The following SLC5A7 variants were observed in gnomAD, a reference collection of about 807,000 sequenced individuals.
The protein encoded by SLC5A7 is solute carrier family 5 member 7.
Under a neutral mutation model 55.4 loss-of-function variants are expected in SLC5A7, and 19 were observed. The observed-to-expected ratio is 0.34, with a 90% CI of 0.24 to 0.50. The LOEUF is 0.50. Among genes scored for constraint, SLC5A7 ranks in the 20% least tolerant of loss-of-function variants. SLC5A7 has a pLI of 0.98. For synonymous variants in SLC5A7, 265 were observed against 263.7 expected (o/e 1.00, Z -0.05); for missense variants, 506 against 705.3 (o/e 0.72, Z 3.20).
At chr2:108,000,778 A>G (rs1677857675) in intron 5 of SLC5A7, among the ~76,000 whole-genome samples, 1 of 152,084 alleles carries the variant, frequency 6.6e-6, no homozygotes, top group Non-Finnish European at 1.5e-5. Context: ...TATTTTTGGT[A>G]GAGATGGGGT....
chr2:107,987,943 A>G (rs527590962), intron 1 of SLC5A7, among the ~76,000 whole-genome samples, 162 bp from the exon 2 acceptor site: 3 of 152,292 alleles, frequency 2.0e-5, no homozygotes, highest in South Asian at 4.1e-4. Context: ...AGGATAATGT[A>G]GTGGACACTT....
chr2:107,988,384 G>A lies in SLC5A7; in HGVS notation c.178+51G>A, dbSNP rs72933292. 2,713 of 1,555,528 alleles carry A rather than the reference G, an allele frequency of 1.7e-3. 29 individuals carry two copies. In the African/African-American group the frequency reaches 0.029, roughly 17 times the overall value. On this transcript the variant is annotated intron_variant, in intron 2 of 8. Transcript: ENST00000264047. ...TGCAGTCCTCCCTTCCTTGGCATCT[G>A]TGAGTGTGCAGCGTGTGGCTTCAGA...
intron 5 of SLC5A7, among the ~76,000 whole-genome samples, chr2:107,999,624 C>T (rs1488684599): frequency 6.6e-6 from 1 of 152,182 alleles, no homozygotes; most frequent in Non-Finnish European, 1.5e-5. Flanking sequence ...GTTTTCCAAA[C>T]TTTAATTGCT....
chr2:107,992,591 T>C (rs1677489661), intron 3 of SLC5A7, among the ~76,000 whole-genome samples: 1 of 152,212 alleles, frequency 6.6e-6, no homozygotes, highest in South Asian at 2.1e-4. Context: ...AAGTATTATA[T>C]AACAGAAGGT....
chr2:107,997,800 TG>T, intron 4 of SLC5A7, 37 bp from the exon 5 acceptor site: 1 of 1,566,258 alleles, frequency 6.4e-7, no homozygotes, highest in Non-Finnish European at 8.7e-7. Context: ...AGAATCTGTC[TG>T]GGCACCTTGA....
intron 3 of SLC5A7, 100 bp from the exon 4 acceptor site, chr2:107,992,872 T>C (rs182510033): frequency 7.9e-7 from 1 of 1,268,098 alleles, no homozygotes; most frequent in East Asian, 2.3e-5. Flanking sequence ...TCCATACAGG[T>C]GTTCTGGAAA....
intron 6 of SLC5A7, among the ~76,000 whole-genome samples, chr2:108,004,801 A>G (rs1462831613): frequency 2.0e-5 from 3 of 152,116 alleles, no homozygotes; most frequent in African/African-American, 7.2e-5. Flanking sequence ...CACCTGTGGA[A>G]ATGCTCTCAA....
intron 2 of SLC5A7, among the ~76,000 whole-genome samples, chr2:107,988,648 T>A (rs938875442): frequency 2.0e-5 from 3 of 152,160 alleles, no homozygotes; most frequent in Non-Finnish European, 2.9e-5. Flanking sequence ...GGTGGGGGAA[T>A]GGGAAGCTGT....
intron 7 of SLC5A7, among the ~76,000 whole-genome samples, chr2:108,007,394 G>A (rs765349259): frequency 4.1e-5 from 6 of 147,304 alleles, no homozygotes; most frequent in South Asian, 4.5e-4. Context: ...GATGACTGAC[G>A]AAGGTGGTAT....
intron 5 of SLC5A7, among the ~76,000 whole-genome samples, chr2:107,998,545 A>G (rs1381408567): frequency 6.6e-6 from 1 of 152,224 alleles, no homozygotes; most frequent in African/African-American, 2.4e-5. Context: ...TATTAGTATT[A>G]TTAGCACTAT....
chr2:108,007,749 G>A (rs935444223), intron 7 of SLC5A7, among the ~76,000 whole-genome samples: 6 of 152,242 alleles, frequency 3.9e-5, no homozygotes, highest in Admixed American at 2.6e-4. Context: ...TATTAAAAAA[G>A]TTCAGCAAAT....
chr2:107,992,956 G>A lies in SLC5A7; in HGVS notation c.293-16G>A, dbSNP rs1378257613. On this transcript the variant is annotated splice_polypyrimidine_tract_variant and intron_variant, in intron 3 of 8. Coordinates refer to ENST00000264047, the MANE Select transcript of SLC5A7 (RefSeq NM_021815.5). ...CATTCTTTTTATTTTCTCCTAAACA[G>A]TTGCTTAATTTTTAGGTGGCCTGTT... The A allele has an allele frequency of 6.2e-7, 1 of 1,611,786 alleles. No individual in the cohort carries two copies. Among genetic ancestry groups the A allele is most frequent in the Non-Finnish European group, 8.5e-7 (1 of 1,179,058 alleles).
rs1677502446 is a variant in SLC5A7 at position 107,992,862 on chromosome 2, T to G, written c.293-110T>G. On this transcript the variant is annotated intron_variant, in intron 3 of 8. Transcript: ENST00000264047. ...TACTGTGTGCAGACTTGTTCCTCAATCCATACAGGTGTTCTGGAAAATGCA... is the reference window on the plus strand; with the variant it reads ...TACTGTGTGCAGACTTGTTCCTCAAGCCATACAGGTGTTCTGGAAAATGCA... The G allele has an allele frequency of 2.6e-5, 30 of 1,157,122 alleles. No homozygotes were observed. In the South Asian group the frequency reaches 4.2e-4, roughly 16 times the overall value. The allele number at this position is 1,157,122 out of a possible 1,614,324, so 71.7% of individuals were successfully genotyped here. A position where few individuals can be genotyped will look rare whatever the true frequency, so the allele number is the denominator to read the frequency against.
intron 4 of SLC5A7, among the ~76,000 whole-genome samples, chr2:107,996,833 C>T (rs1001394606): frequency 6.6e-6 from 1 of 152,130 alleles, no homozygotes; most frequent in African/African-American, 2.4e-5. Context: ...ATATGATATT[C>T]AAATCTTAGG....
chr2:107,997,043 G>A (rs976241756), intron 4 of SLC5A7, among the ~76,000 whole-genome samples: 1 of 152,176 alleles, frequency 6.6e-6, no homozygotes. Context: ...AGGGGGCAGA[G>A]TAAATGCAAA....
At chr2:107,991,311 A>T (rs1677444038) in intron 2 of SLC5A7, among the ~76,000 whole-genome samples, 1 of 152,174 alleles carries the variant, frequency 6.6e-6, no homozygotes, top group Admixed American at 6.5e-5. Flanking sequence ...TTACTAAAAG[A>T]TCCATATTAA....
chr2:107,991,439 T>C (rs1677448455), intron 2 of SLC5A7, among the ~76,000 whole-genome samples: 1 of 152,188 alleles, frequency 6.6e-6, no homozygotes, highest in African/African-American at 2.4e-5. Context: ...AGAAGTGTCA[T>C]CTCGATCCTC....
Position 108,012,615 on chromosome 2 carries a change from C to T in SLC5A7, c.*1754C>T, listed in dbSNP as rs1046202331. On this transcript the variant is annotated 3_prime_UTR_variant, in exon 9 of 9. Transcript: ENST00000264047. ...TCTCAAAATTTGATGGTGAATATTA[C>T]ATTGCATTCAAAATCTTCACTGAAT... 1 of 152,068 alleles carries T rather than the reference C, an allele frequency of 6.6e-6. No homozygotes were observed. The highest frequency in any genetic ancestry group is 2.1e-4 in the South Asian group (1 of 4,818). 9.4% of individuals were successfully genotyped at this position (152,068 alleles called of 1,614,324 possible).
At chr2:107,987,478 T>G (rs1199664717) in intron 1 of SLC5A7, among the ~76,000 whole-genome samples, 1 of 152,176 alleles carries the variant, frequency 6.6e-6, no homozygotes, top group East Asian at 1.9e-4. Flanking sequence ...ACAAAAAACA[T>G]ACTTAGTTGC....
Sources: allele counts gnomAD v4.1 joint callset (sites outside exome capture counted in the v4.1 genomes callset), GRCh38; gene constraint gnomAD v4.1.1; transcripts MANE v1.5; gene names NCBI Gene and HGNC (gene_info 2026-07-23, HGNC 2026-07-21).